Variants in EYS observed in about 807,000 individuals in gnomAD.
EYS encodes protein eyes shut homolog.
Under a neutral mutation model 282.1 loss-of-function variants are expected in EYS, and 250 were observed. That is an observed-to-expected ratio of 0.89 (90% CI 0.80 to 0.98). The LOEUF (loss-of-function observed/expected upper bound fraction) is 0.98. EYS is among the 50% of genes least tolerant of loss of function. The probability of loss-of-function intolerance (pLI) is 0.00; values close to 1 mark genes in which losing one functional copy is unlikely to be tolerated. For synonymous variants in EYS, 1,355 were observed against 1,282.9 expected (o/e 1.06, Z -1.20); for missense variants, 4,016 against 3,709.0 (o/e 1.08, Z -2.15).
At chr6:64,658,173 C>T (rs7746408) in intron 22 of EYS, among the ~76,000 whole-genome samples, 97,317 of 152,042 alleles carry the variant, frequency 0.64, 31,381 homozygotes, top group African/African-American at 0.71. Context: ...GCATTCGTCA[C>T]GTAGTTCTCC....
chr6:64,814,226 G>C (rs974264368), intron 21 of EYS, among the ~76,000 whole-genome samples: 1 of 151,976 alleles, frequency 6.6e-6, no homozygotes, highest in Non-Finnish European at 1.5e-5. Flanking sequence ...GAGGAATCTG[G>C]ATAATACCTG....
chr6:64,534,491 CA>C (rs1373434437), intron 26 of EYS, among the ~76,000 whole-genome samples: 1 of 151,962 alleles, frequency 6.6e-6, no homozygotes, highest in Non-Finnish European at 1.5e-5. Context: ...ATAAATAAGC[CA>C]AAGTAAGCCA....
intron 26 of EYS, among the ~76,000 whole-genome samples, chr6:64,525,961 GA>G (rs36078576): frequency 2.7e-5 from 4 of 150,932 alleles, no homozygotes; most frequent in South Asian, 2.1e-4. Context: ...AAAAATACTG[GA>G]AAAAAAACCT....
At chr6:65,088,380 G>C (rs1043855237) in intron 12 of EYS, among the ~76,000 whole-genome samples, 1 of 152,156 alleles carries the variant, frequency 6.6e-6, no homozygotes, top group Non-Finnish European at 1.5e-5. Flanking sequence ...TGCTGATAGT[G>C]ATATGCACAA....
intron 12 of EYS, among the ~76,000 whole-genome samples, chr6:65,061,467 C>T (rs940013750): frequency 6.6e-6 from 1 of 151,852 alleles, no homozygotes; most frequent in African/African-American, 2.4e-5. Flanking sequence ...TCCACACATG[C>T]GTAATCTCTC....
chr6:65,485,120 G>T (rs1052371844), intron 5 of EYS, among the ~76,000 whole-genome samples: 1 of 152,088 alleles, frequency 6.6e-6, no homozygotes, highest in South Asian at 2.1e-4. Context: ...ATAAAACTAT[G>T]TTTCAAATTT....
intron 22 of EYS, among the ~76,000 whole-genome samples, chr6:64,666,482 C>T (rs529001383): frequency 4.6e-5 from 7 of 152,202 alleles, no homozygotes; most frequent in Non-Finnish European, 7.3e-5. Flanking sequence ...CCATGACATT[C>T]CCATTCCAAT....
intron 29 of EYS, among the ~76,000 whole-genome samples, chr6:64,311,753 C>T (rs1006544468): frequency 2.6e-5 from 4 of 152,074 alleles, no homozygotes; most frequent in South Asian, 2.1e-4. Context: ...TCAGCTCACC[C>T]GGGAAGCACA....
intron 2 of EYS, among the ~76,000 whole-genome samples, chr6:65,512,940 A>G (rs889536302): frequency 2.8e-4 from 42 of 152,326 alleles, no homozygotes; most frequent in Non-Finnish European, 5.6e-4. Flanking sequence ...AACTAAAATC[A>G]GAGCAGAACT....
chr6:64,576,629 T>C (rs925620456), intron 26 of EYS, among the ~76,000 whole-genome samples: 1 of 152,090 alleles, frequency 6.6e-6, no homozygotes, highest in African/African-American at 2.4e-5. Context: ...AATTTTTGTC[T>C]GAATCACAAA....
rs74970619 is a variant in EYS, at chr6:65,559,307, G to A, written c.-332-63314C>T. 7.6e-3 allele frequency among the ~76,000 whole-genome samples: 1,163 copies of A among 152,254 alleles called. 19 individuals are homozygous for A. Among genetic ancestry groups the A allele is most frequent in the African/African-American group, 0.025 (1,043 of 41,548 alleles). On this transcript the variant is annotated intron_variant, in intron 2 of 42. Transcript: ENST00000503581. ...TGAGGCACAAGAACTGCTCGAACCTGGGAGGCCAAGGTTGCAGTGAGCTGA... is the reference window on the plus strand; with the variant it reads ...TGAGGCACAAGAACTGCTCGAACCTAGGAGGCCAAGGTTGCAGTGAGCTGA...
At chr6:64,743,108 C>A (rs546565231) in intron 22 of EYS, among the ~76,000 whole-genome samples, 2 of 151,754 alleles carry the variant, frequency 1.3e-5, no homozygotes, top group East Asian at 1.9e-4. Context: ...AGATGGAAAC[C>A]GAGGTGACAT....
At chr6:64,003,085 A>C (rs1171654692) in intron 33 of EYS, among the ~76,000 whole-genome samples, 1 of 152,214 alleles carries the variant, frequency 6.6e-6, no homozygotes, top group African/African-American at 2.4e-5. Flanking sequence ...TGAATGGATA[A>C]AGAAAATGTG....
At chr6:65,498,039 G>A (rs757501964) in intron 2 of EYS, among the ~76,000 whole-genome samples, 2 of 151,962 alleles carry the variant, frequency 1.3e-5, no homozygotes, top group Admixed American at 6.6e-5. Flanking sequence ...TATAACACTC[G>A]TGAAGTCCAT....
intron 31 of EYS, among the ~76,000 whole-genome samples, chr6:64,120,420 C>T (rs115467438): frequency 0.021 from 2,708 of 128,490 alleles, 70 homozygotes; most frequent in African/African-American, 0.072. Context: ...AAGCAAATGA[C>T]AACCAAAACA....
At chr6:64,315,115 T>C (rs1442657028) in intron 29 of EYS, among the ~76,000 whole-genome samples, 2 of 152,002 alleles carry the variant, frequency 1.3e-5, no homozygotes, top group East Asian at 1.9e-4. Flanking sequence ...TTCACAGAAA[T>C]ACAAACTACC....
At chr6:64,744,981 T>G (rs1451254004) in intron 22 of EYS, among the ~76,000 whole-genome samples, 1 of 152,128 alleles carries the variant, frequency 6.6e-6, no homozygotes, top group Non-Finnish European at 1.5e-5. Flanking sequence ...TATGTATATT[T>G]TCTTACTTCT....
intron 26 of EYS, among the ~76,000 whole-genome samples, chr6:64,501,264 T>C (rs2150512080): frequency 6.6e-6 from 1 of 152,154 alleles, no homozygotes; most frequent in South Asian, 2.1e-4. Context: ...CAAATGTCTA[T>C]TCCATTTACC....
At chr6:63,833,275 T>C (rs1162144766) in intron 36 of EYS, among the ~76,000 whole-genome samples, 3 of 152,126 alleles carry the variant, frequency 2.0e-5, no homozygotes, top group Non-Finnish European at 2.9e-5. Flanking sequence ...GGAAGTAAAA[T>C]TGTGCCTGTT....
Sources: gnomAD v4.1 joint callset for allele counts (sites outside exome capture counted in the v4.1 genomes callset) on GRCh38, gnomAD v4.1.1 for gene constraint, MANE v1.5 for transcripts, NCBI Gene and HGNC (gene_info 2026-07-23, HGNC 2026-07-21) for gene names.